Variants in KLKB1 observed in about 807,000 individuals in gnomAD.
KLKB1 encodes the protein kallikrein B1, also known as plasma kallikrein.
KLKB1 carries 58 observed loss-of-function variants against 73.6 expected under a neutral mutation model. That is an observed-to-expected ratio of 0.79 (90% CI 0.64 to 0.98). The LOEUF is 0.98. KLKB1 is among the 50% of genes least tolerant of loss of function. The pLI, the probability that KLKB1 is intolerant of heterozygous loss-of-function variation, is 0.00. For missense variants in KLKB1, 737 were observed against 763.8 expected (o/e 0.96, Z 0.41); for synonymous variants, 280 against 258.1 (o/e 1.08, Z -0.81).
upstream of KLKB1, among the ~76,000 whole-genome samples, chr4:186,225,856 G>A (rs1219565421): frequency 1.3e-5 from 2 of 151,984 alleles, no homozygotes; most frequent in Admixed American, 6.6e-5. Flanking sequence ...ATAAGTTTCT[G>A]CAACTTTCTC....
At chr4:186,228,835 T>C (rs1203174284) in intron 2 of KLKB1, 1 of 152,450 alleles carries the variant, frequency 6.6e-6, no homozygotes, top group Non-Finnish European at 1.5e-5. Context: ...TTTTGGAGAA[T>C]AAAAATGATT....
intron 4 of KLKB1, among the ~76,000 whole-genome samples, 160 bp from the exon 5 acceptor site, chr4:186,236,621 T>G (rs1737702385): frequency 6.6e-6 from 1 of 152,156 alleles, no homozygotes; most frequent in Admixed American, 6.5e-5. Context: ...GTTCGATAAT[T>G]TATGTACATA....
upstream of KLKB1, among the ~76,000 whole-genome samples, chr4:186,227,236 A>C (rs1201463830): frequency 6.6e-6 from 1 of 152,184 alleles, no homozygotes; most frequent in African/African-American, 2.4e-5. Flanking sequence ...CAGGTGGCAT[A>C]ACCTCTCACC....
chr4:186,233,256 C>G (rs1295455157), intron 3 of KLKB1, among the ~76,000 whole-genome samples: 2 of 152,178 alleles, frequency 1.3e-5, no homozygotes, highest in Non-Finnish European at 2.9e-5. Context: ...TTATTAATCA[C>G]GAGCCACAGT....
chr4:186,239,797 T>C (rs200391360), intron 6 of KLKB1, among the ~76,000 whole-genome samples: 5,028 of 50,750 alleles, frequency 0.099, no homozygotes, highest in African/African-American at 0.17. Flanking sequence ...GACAGTGATA[T>C]TGTTATAGTT....
intron 2 of KLKB1, among the ~76,000 whole-genome samples, chr4:186,217,586 A>G (rs1736934604): frequency 6.6e-6 from 1 of 152,230 alleles, no homozygotes; most frequent in African/African-American, 2.4e-5. Flanking sequence ...ACTAATCAAG[A>G]TGATATACTG....
At chr4:186,221,614 G>A (rs1284881632), upstream of KLKB1, among the ~76,000 whole-genome samples, 1 of 151,894 alleles carries the variant, frequency 6.6e-6, no homozygotes, top group African/African-American at 2.4e-5. Context: ...TTTTCCTTCT[G>A]TTACTGAGTT....
Position 186,221,426 on chromosome 4 carries a change from C to T in KLKB1, c.202-10701C>T, listed in dbSNP as rs912545403. ...CCATTTTCTTAAGGTAGGTATTTAT[C>T]GCTATAAACTTCCTTCTTAGAACTG... On this transcript the variant is annotated intron_variant, in intron 2 of 14. Transcript: ENST00000511608. 6.6e-5 allele frequency among the ~76,000 whole-genome samples: 10 copies of T among 150,944 alleles called. 1 individual carries two copies. Among genetic ancestry groups the T allele is most frequent in the South Asian group, 4.2e-4 (2 of 4,804 alleles).
chr4:186,251,726 T>A, intron 9 of KLKB1, 23 bp from the exon 10 acceptor site: 1 of 1,607,066 alleles, frequency 6.2e-7, no homozygotes, highest in Non-Finnish European at 8.5e-7. Flanking sequence ...AGGCTTACTC[T>A]TTCTACTGTT....
rs114020507 is a variant in KLKB1, at chr4:186,244,293, G to A, written c.598+5928G>A. On this transcript the variant is annotated intron_variant, in intron 6 of 14. Coordinates refer to ENST00000264690, the MANE Select transcript of KLKB1 (RefSeq NM_000892.5). ...ATGGTAAAACTTAGTATCCAAAGGCGGAAGTACTTAACCATACCTAGGAAG... is the reference window on the plus strand; with the variant it reads ...ATGGTAAAACTTAGTATCCAAAGGCAGAAGTACTTAACCATACCTAGGAAG... 7.2e-3 allele frequency among the ~76,000 whole-genome samples: 1,098 copies of A among 152,206 alleles called. 9 individuals are homozygous for A. Among genetic ancestry groups the A allele is most frequent in the African/African-American group, 0.024 (1,002 of 41,546 alleles).
chr4:186,225,104 T>C (rs10025990), upstream of KLKB1, among the ~76,000 whole-genome samples: 139,782 of 152,260 alleles, frequency 0.92, 64,306 homozygotes, highest in African/African-American at 0.98. Context: ...CATGGGTAAC[T>C]GTGAGTCAGT....
At position 186,250,299 on chromosome 4, in the gene KLKB1, G is replaced by T. The variant is rs758347925; in HGVS notation, c.655G>T (p.Val219Phe). The T allele has an allele frequency of 6.2e-5, 100 of 1,613,904 alleles. 2 individuals carry two copies. The South Asian group carries it at 1.0e-3, about 17-fold the overall frequency. The part of the protein sequence containing the change: ...LAFSDVDVAR[V>F]LTPDAFVCRT... ...GTTCTCAGATGTGGATGTTGCCAGGGTTCTCACTCCAGATGCTTTTGTGTG... is the reference window on the plus strand; with the variant it reads ...GTTCTCAGATGTGGATGTTGCCAGGTTTCTCACTCCAGATGCTTTTGTGTG... The change falls in exon 7 of 15, where the codon GTT becomes TTT. Residue 219 changes from valine to phenylalanine, a missense_variant. By Grantham distance (50) the Val-to-Phe change is conservative. Coordinates refer to ENST00000264690, the MANE Select transcript of KLKB1 (RefSeq NM_000892.5).
chr4:186,225,708 A>G (rs1486687102), upstream of KLKB1, among the ~76,000 whole-genome samples: 1 of 152,152 alleles, frequency 6.6e-6, no homozygotes, highest in East Asian at 1.9e-4. Flanking sequence ...TGCTGGGATT[A>G]CAGGCATGAG....
intron 1 of KLKB1, among the ~76,000 whole-genome samples, 186 bp downstream of exon 1, chr4:186,227,773 T>C (rs1008761281): frequency 1.6e-4 from 24 of 152,240 alleles, no homozygotes; most frequent in African/African-American, 5.8e-4. Flanking sequence ...GAATATTTGA[T>C]TGATTTAAAA....
At chr4:186,236,268 C>T (rs1048023217) in intron 4 of KLKB1, among the ~76,000 whole-genome samples, 4 of 152,154 alleles carry the variant, frequency 2.6e-5, no homozygotes, top group Non-Finnish European at 4.4e-5. Context: ...TTTCATCATG[C>T]GTAAACAACA....
chr4:186,244,469 TC>T (rs1408914770), intron 6 of KLKB1, among the ~76,000 whole-genome samples: 1 of 152,166 alleles, frequency 6.6e-6, no homozygotes, highest in Non-Finnish European at 1.5e-5. Flanking sequence ...ATGGGGGCTG[TC>T]CTCGAAGCCT....
intron 6 of KLKB1, 99 bp downstream of exon 6, chr4:186,238,464 C>A (rs1737826392): frequency 2.4e-6 from 2 of 837,968 alleles, no homozygotes; most frequent in Admixed American, 1.8e-5. Context: ...CGTGTGTTCC[C>A]ATAGCTGGCA....
rs57285912 is a variant in KLKB1 at position 186,236,113 on chromosome 4, CAAAA to C, written c.329-651_329-648del. On this transcript the variant is annotated intron_variant, in intron 4 of 14. Coordinates refer to ENST00000264690, the MANE Select transcript of KLKB1 (RefSeq NM_000892.5). ...TGGGCGACAGAGCGAGACTCCGTCT[CAAAA>C]AAAAAAAAAAAAAAAAGAGCCTAAT... Among the ~76,000 whole-genome samples, 1,123 of 113,728 alleles carry C rather than the reference CAAAA, an allele frequency of 9.9e-3. 7 individuals are homozygous for C. Among genetic ancestry groups the C allele is most frequent in the African/African-American group, 0.032 (956 of 29,780 alleles). 74.6% of individuals were successfully genotyped at this position (113,728 alleles called of 152,430 possible). A position where few individuals can be genotyped will look rare whatever the true frequency, so the allele number is the denominator to read the frequency against.
chr4:186,256,077 G>A lies in KLKB1; in HGVS notation c.1575G>A (p.Ser525=), dbSNP rs370717826. 18 of 1,602,220 alleles carry A rather than the reference G, an allele frequency of 1.1e-5. No individual in the cohort carries two copies. The Middle Eastern group carries it at 6.6e-4, about 59-fold the overall frequency. ...TNCWVTGWGF[S]KEKGEIQNIL... is the part of the protein sequence containing the mutation. ...GTTGGGTAACCGGATGGGGCTTCTC[G>A]AAGGAGAAAGGTAAGCATGACGCTT... The change falls in exon 13 of 15, where the codon TCG becomes TCA. Residue 525 remains serine, a synonymous_variant. Coordinates refer to ENST00000264690, the MANE Select transcript of KLKB1 (RefSeq NM_000892.5).
Sources: gnomAD v4.1 joint callset for allele counts (sites outside exome capture counted in the v4.1 genomes callset) on GRCh38, gnomAD v4.1.1 for gene constraint, MANE v1.5 for transcripts, NCBI Gene and HGNC (gene_info 2026-07-23, HGNC 2026-07-21) for gene names.